IMPG1: variants seen among roughly 807,000 people sequenced by gnomAD.
IMPG1 encodes interphotoreceptor matrix proteoglycan 1.
IMPG1 carries 85 observed loss-of-function variants against 92.0 expected under a neutral mutation model. The observed-to-expected ratio is 0.92, with a 90% CI of 0.78 to 1.11. The LOEUF (loss-of-function observed/expected upper bound fraction) is 1.11. Among genes scored for constraint, IMPG1 ranks in the 50% least tolerant of loss-of-function variants. The pLI is 0.00. For synonymous variants in IMPG1, 367 were observed against 334.1 expected (o/e 1.10, Z -1.08); for missense variants, 1,022 against 956.0 (o/e 1.07, Z -0.91).
At chr6:75,974,274 TTC>T (rs201813666) in intron 12 of IMPG1, among the ~76,000 whole-genome samples, 1 of 151,664 alleles carries the variant, frequency 6.6e-6, no homozygotes, top group African/African-American at 2.4e-5. Flanking sequence ...CTCTCTTTCT[TTC>T]TCTCTCTTCT....
intron 15 of IMPG1, among the ~76,000 whole-genome samples, chr6:75,924,486 A>AATATATAATT (rs1781489142): frequency 1.1e-5 from 1 of 92,496 alleles, no homozygotes; most frequent in African/African-American, 4.3e-5. Flanking sequence ...TATATATTAT[A>AATATATAATT]ATATAATATA....
chr6:76,035,462 G>A (rs1264292812), intron 2 of IMPG1, among the ~76,000 whole-genome samples: 1 of 130,224 alleles, frequency 7.7e-6, no homozygotes, highest in African/African-American at 2.9e-5. Context: ...TCGCGCCATT[G>A]CACTCCAGCC....
At position 75,950,820 on chromosome 6, in the gene IMPG1, C is replaced by A; in HGVS notation, c.1566G>T (p.Met522Ile). Reference protein sequence around the residue: ...GEDMVRHLDEMDLSDTPAPSE... With the variant: ...GEDMVRHLDEIDLSDTPAPSE... The stretch of plus-strand genomic sequence containing the variant: ...ATGGGGCAGGAGTGTCAGACAGATC[C>A]ATTTCATCTAGGTGTCTGACCATAT... Residue 522 changes from methionine to isoleucine, a missense_variant, in exon 13 of 17, where the codon ATG becomes ATT. By Grantham distance (10) the Met-to-Ile change is conservative. Around this residue, in one of 3 missense-constraint regions of IMPG1, gnomAD observed 332 missense variants for 346.2 expected, o/e 0.96. Coordinates refer to ENST00000369950, the MANE Select transcript of IMPG1 (RefSeq NM_001563.4). 2 of 1,613,920 alleles carry A rather than the reference C, an allele frequency of 1.2e-6. No individual in the cohort carries two copies. Among genetic ancestry groups the A allele is most frequent in the South Asian group, 2.2e-5 (2 of 91,072 alleles).
rs1405830114 is a variant in IMPG1, at chr6:75,921,327, CTGTGGTGGAAGACAGGA to C, written c.*745_*761del. On this transcript the variant is annotated 3_prime_UTR_variant, in exon 17 of 17. Transcript: ENST00000369950. ...GTTATTATAGGAAGACATTGTTCAT[CTGTGGTGGAAGACAGGA>C]ATTGATTATGTCATATAGTACAACT... The C allele has an allele frequency of 3.3e-5, 5 of 152,184 alleles. No homozygotes were observed. The highest frequency in any genetic ancestry group is 6.5e-5 in the Admixed American group (1 of 15,278). The allele number at this position is 152,184 out of a possible 1,614,324, so 9.4% of individuals were successfully genotyped here.
chr6:75,950,953 C>A lies in IMPG1; in HGVS notation c.1433G>T (p.Gly478Val). The A allele has an allele frequency of 6.2e-7, 1 of 1,613,904 alleles. No homozygotes were observed. The highest frequency in any genetic ancestry group is 8.5e-7 in the Non-Finnish European group (1 of 1,179,936). Residue 478 changes from glycine to valine, a missense_variant, in exon 13 of 17, where the codon GGG becomes GTG. Transcript: ENST00000369950. ...MATDQTMLVP[G>V]LTIPTSDYSA... ...ATAATCACTGGTGGGGATGGTGAGCCCTGGTACTAGCATTGTCTGGTCAGT... is the reference window on the plus strand; with the variant it reads ...ATAATCACTGGTGGGGATGGTGAGCACTGGTACTAGCATTGTCTGGTCAGT...
chr6:76,072,458 C>G lies in IMPG1; in HGVS notation c.31G>C (p.Val11Leu), dbSNP rs1420070418. MYLETRRAIF[V>L]FWIFLQVQGT... ...TGAACTTGGAGAAAAATCCAAAAAA[C>G]AAAAATAGCTCTTCTAGTTTCCAAA... The change falls in exon 1 of 17, where the codon GTT becomes CTT. Residue 11 changes from valine to leucine, a missense_variant. Val to Leu is a conservative substitution (Grantham distance 32). Around this residue, in one of 3 missense-constraint regions of IMPG1, gnomAD observed 681 missense variants for 583.6 expected, o/e 1.17. Transcript: ENST00000369950. 6.3e-7 allele frequency: 1 copy of G among 1,595,680 alleles called. No homozygotes were observed. Among genetic ancestry groups the G allele is most frequent in the Non-Finnish European group, 8.6e-7 (1 of 1,168,870 alleles).
At chr6:75,922,346 T>C (rs2149446538) in intron 16 of IMPG1, among the ~76,000 whole-genome samples, 180 bp from the exon 17 acceptor site, 1 of 152,326 alleles carries the variant, frequency 6.6e-6, no homozygotes, top group South Asian at 2.1e-4. Context: ...AGAAATGTAC[T>C]CCATGCCCTC....
chr6:75,923,841 C>T lies in IMPG1; in HGVS notation c.2244-135G>A, dbSNP rs79188801. On this transcript the variant is annotated intron_variant, in intron 15 of 16. Coordinates refer to ENST00000369950, the MANE Select transcript of IMPG1 (RefSeq NM_001563.4). ...ATAGCATATTTTTGCAGGTGTCTTCCGTTTGAGTTGGAAGAAGTGTGCTTT... is the reference window on the plus strand; with the variant it reads ...ATAGCATATTTTTGCAGGTGTCTTCTGTTTGAGTTGGAAGAAGTGTGCTTT... The T allele has an allele frequency of 4.2e-3, 2,388 of 569,558 alleles. 44 individuals carry two copies. The highest frequency in any genetic ancestry group is 0.041 in the African/African-American group (2,127 of 51,856). The allele number at this position is 569,558 out of a possible 1,614,324, so 35.3% of individuals were successfully genotyped here.
At position 75,981,107 on chromosome 6, in the gene IMPG1, A is replaced by G. The variant is rs536149871; in HGVS notation, c.1291+21811T>C. ...GTCCTGATCTGCCCCTGTGGAGGATATACTACAGCATTTTTCTTCTGCCCT... is the reference window on the plus strand; with the variant it reads ...GTCCTGATCTGCCCCTGTGGAGGATGTACTACAGCATTTTTCTTCTGCCCT... On this transcript the variant is annotated intron_variant, in intron 12 of 16. Coordinates refer to ENST00000369950, the MANE Select transcript of IMPG1 (RefSeq NM_001563.4). Among the ~76,000 whole-genome samples, 6 of 152,310 alleles carry G rather than the reference A, an allele frequency of 3.9e-5. No homozygotes were observed. In the South Asian group the frequency reaches 1.0e-3, roughly 26 times the overall value.
intron 6 of IMPG1, among the ~76,000 whole-genome samples, chr6:76,019,182 G>A (rs1783370184): frequency 6.6e-6 from 1 of 152,160 alleles, no homozygotes; most frequent in South Asian, 2.1e-4. Context: ...TGAGGATCTG[G>A]ACTTGGTCTC....
chr6:75,941,739 A>G (rs1781839263), intron 14 of IMPG1, among the ~76,000 whole-genome samples: 1 of 152,206 alleles, frequency 6.6e-6, no homozygotes, highest in African/African-American at 2.4e-5. Context: ...TACCAATCTC[A>G]TTTCATCATT....
At chr6:75,999,573 TTTG>T (rs1209141034) in intron 12 of IMPG1, among the ~76,000 whole-genome samples, 2 of 152,210 alleles carry the variant, frequency 1.3e-5, no homozygotes, top group Non-Finnish European at 2.9e-5. Flanking sequence ...TTTTTGTTTG[TTTG>T]TTTTCTGTTT....
chr6:75,932,252 G>A (rs949742295), intron 14 of IMPG1, among the ~76,000 whole-genome samples: 11 of 152,284 alleles, frequency 7.2e-5, no homozygotes, highest in African/African-American at 2.6e-4. Flanking sequence ...GAGCCCCAAG[G>A]GGGAGCTATT....
At chr6:76,034,047 A>G (rs535555575) in intron 4 of IMPG1, among the ~76,000 whole-genome samples, 4 of 152,226 alleles carry the variant, frequency 2.6e-5, no homozygotes, top group Non-Finnish European at 5.9e-5. Flanking sequence ...GTGAAGGTGC[A>G]CATTAGATAC....
intron 15 of IMPG1, among the ~76,000 whole-genome samples, chr6:75,925,639 C>T (rs916380636): frequency 6.6e-6 from 1 of 151,268 alleles, no homozygotes; most frequent in Non-Finnish European, 1.5e-5. Context: ...CCAGCCTGGG[C>T]AACACAGTGA....
intron 5 of IMPG1, chr6:76,024,880 C>T (rs1221641164): frequency 4.7e-6 from 2 of 425,134 alleles, no homozygotes; most frequent in African/African-American, 4.2e-5. Context: ...ATGATACAAA[C>T]TCTAAGTAAA....
At chr6:75,924,021 A>G (rs1781477931) in intron 15 of IMPG1, among the ~76,000 whole-genome samples, 1 of 152,112 alleles carries the variant, frequency 6.6e-6, no homozygotes. Context: ...CATATTGTTA[A>G]TAAAATTTAA....
chr6:76,060,830 CT>C (rs1351556865), intron 1 of IMPG1, among the ~76,000 whole-genome samples: 7 of 152,094 alleles, frequency 4.6e-5, no homozygotes, highest in Non-Finnish European at 8.8e-5. Flanking sequence ...GAGTGTGATA[CT>C]TTATAATATA....
chr6:76,041,956 C>A lies in IMPG1; in HGVS notation c.238G>T (p.Val80Phe). Residue 80 changes from valine to phenylalanine, a missense_variant, in exon 2 of 17, where the codon GTC becomes TTC. Physicochemically the swap from Val to Phe is conservative, Grantham distance 50 (BLOSUM62 -1). This residue lies in a region of IMPG1 where 681 missense variants were observed against 583.6 expected (regional missense o/e 1.17). Transcript: ENST00000369950. ...RSAFFPTGVK[V>F]CPQESMKQIL... ...TGTTTCATGGATTCCTGTGGACAGA[C>A]TTTAACCCCCGTTGGGAAAAATGCG... 1.2e-6 allele frequency: 2 copies of A among 1,614,022 alleles called. No individual in the cohort carries two copies. The highest frequency in any genetic ancestry group is 1.7e-6 in the Non-Finnish European group (2 of 1,179,920).
Sources: gnomAD v4.1 joint callset for allele counts (sites outside exome capture counted in the v4.1 genomes callset) on GRCh38, gnomAD v4.1.1 for gene constraint, gnomAD v4.1.1 regional missense constraint, MANE v1.5 for transcripts, NCBI Gene and HGNC (gene_info 2026-07-23, HGNC 2026-07-21) for gene names.